SLAIN2: variants seen among roughly 807,000 people sequenced by gnomAD.
SLAIN2 encodes the protein SLAIN motif-containing protein 2.
Under a neutral mutation model 56.6 loss-of-function variants are expected in SLAIN2, and 31 were observed. The observed-to-expected ratio is 0.55, with a 90% CI of 0.41 to 0.74. SLAIN2 has a LOEUF of 0.74. Among genes scored for constraint, SLAIN2 ranks in the 30% least tolerant of loss-of-function variants. The pLI, the probability that SLAIN2 is intolerant of heterozygous loss-of-function variation, is 0.00. For missense variants in SLAIN2, 777 were observed against 754.2 expected, an observed-to-expected ratio of 1.03 and a Z score of -0.35; for synonymous variants, 317 against 284.9, an observed-to-expected ratio of 1.11 and a Z score of -1.13.
At chr4:48,401,078 A>G (rs1396791655) in intron 6 of SLAIN2, among the ~76,000 whole-genome samples, 2 of 152,204 alleles carry the variant, frequency 1.3e-5, no homozygotes, top group African/African-American at 2.4e-5. Flanking sequence ...CAGGTTGTTC[A>G]CTTTCCATGT....
intron 6 of SLAIN2, 50 bp from the exon 7 acceptor site, chr4:48,420,075 A>G (rs765382527): frequency 6.4e-6 from 10 of 1,569,814 alleles, no homozygotes; most frequent in East Asian, 2.2e-5. Flanking sequence ...CAATGGTTTC[A>G]TATATACAGA....
At chr4:48,382,516 T>G in intron 4 of SLAIN2, 52 bp from the exon 5 acceptor site, 1 of 1,389,688 alleles carries the variant, frequency 7.2e-7, no homozygotes, top group South Asian at 1.9e-5. Context: ...ATTTTAAAAT[T>G]ATTTAAATGT....
At chr4:48,366,890 T>TG (rs1175429543) in intron 1 of SLAIN2, among the ~76,000 whole-genome samples, 1 of 152,218 alleles carries the variant, frequency 6.6e-6, no homozygotes, top group African/African-American at 2.4e-5. Context: ...TAAATAAACT[T>TG]GCTGTGTTCA....
chr4:48,378,905 G>A (rs1433921665), intron 3 of SLAIN2, among the ~76,000 whole-genome samples: 2 of 152,136 alleles, frequency 1.3e-5, no homozygotes, highest in South Asian at 2.1e-4. Flanking sequence ...TAATTATTTT[G>A]TACTCTTCTT....
At chr4:48,358,576 A>C (rs1715227409) in intron 1 of SLAIN2, among the ~76,000 whole-genome samples, 1 of 152,190 alleles carries the variant, frequency 6.6e-6, no homozygotes, top group Non-Finnish European at 1.5e-5. Context: ...TCAGTCTCCC[A>C]GAGTGCTGGG....
At chr4:48,376,459 A>G (rs886169862) in intron 2 of SLAIN2, among the ~76,000 whole-genome samples, 6 of 9,970 alleles carry the variant, frequency 6.0e-4, no homozygotes, top group Admixed American at 5.6e-3. Flanking sequence ...TCTCAGAGAA[A>G]AAAAAAAAAA....
chr4:48,409,491 T>C (rs1716790981), intron 6 of SLAIN2, among the ~76,000 whole-genome samples: 1 of 152,238 alleles, frequency 6.6e-6, no homozygotes. Flanking sequence ...CTTTGTTCCT[T>C]TTTATTGCCA....
At chr4:48,373,868 C>T (rs1715732675) in intron 2 of SLAIN2, among the ~76,000 whole-genome samples, 1 of 152,124 alleles carries the variant, frequency 6.6e-6, no homozygotes, top group Admixed American at 6.5e-5. Flanking sequence ...TGGAGAAACC[C>T]TGTCTCTACT....
rs749087951 is a variant in SLAIN2, at chr4:48,377,844, G to A, written c.539-52G>A. On this transcript the variant is annotated intron_variant, in intron 2 of 7. Coordinates refer to ENST00000264313, the MANE Select transcript of SLAIN2 (RefSeq NM_020846.2). The stretch of plus-strand genomic sequence containing the variant: ...AATAGGAAAACTTCAGAAATGAAAC[G>A]TTAACTTTTTCTCAGTTGTTAAATT... 7 of 1,531,480 alleles carry A rather than the reference G, an allele frequency of 4.6e-6. No homozygotes were observed. In the South Asian group the frequency reaches 6.0e-5, roughly 13 times the overall value. The allele number at this position is 1,531,480 out of a possible 1,614,324, so 94.9% of individuals were successfully genotyped here. A position where few individuals can be genotyped will look rare whatever the true frequency, so the allele number is the denominator to read the frequency against.
chr4:48,403,214 A>G (rs562091437), intron 6 of SLAIN2, among the ~76,000 whole-genome samples: 92 of 152,332 alleles, frequency 6.0e-4, no homozygotes, highest in South Asian at 2.1e-3. Flanking sequence ...TCCCACTTAC[A>G]GAAGATGTCT....
intron 2 of SLAIN2, among the ~76,000 whole-genome samples, chr4:48,371,109 GT>G (rs71660447): frequency 0.05 from 6,975 of 140,328 alleles, 197 homozygotes; most frequent in African/African-American, 0.094. Flanking sequence ...TTTTTGTTTT[GT>G]TTTTTTTTTT....
chr4:48,341,946 G>A lies in SLAIN2; in HGVS notation c.207G>A (p.Leu69=). ...CGGCGTCTCCTCGGGGCTTCCCCTT[G>A]GGCCTCAGCGCCAAGTCGGGCGGCG... is the stretch of plus-strand genomic sequence containing the variant. ...SGAASPRGFP[L]GLSAKSGGGP... The change falls in exon 1 of 8, where the codon TTG becomes TTA. Residue 69 remains leucine, a synonymous_variant. Transcript: ENST00000264313. The A allele has an allele frequency of 6.8e-7, 1 of 1,474,372 alleles. No individual in the cohort carries two copies. The highest frequency in any genetic ancestry group is 9.0e-7 in the Non-Finnish European group (1 of 1,116,758). The allele number at this position is 1,474,372 out of a possible 1,614,324, so 91.3% of individuals were successfully genotyped here. A position where few individuals can be genotyped will look rare whatever the true frequency, so the allele number is the denominator to read the frequency against.
Position 48,382,420 on chromosome 4 carries a change from C to G in SLAIN2, c.863-148C>G, listed in dbSNP as rs1715991697. The G allele has an allele frequency of 7.5e-6, 5 of 669,660 alleles. No individual in the cohort carries two copies. In the East Asian group the frequency reaches 1.5e-4, roughly 20 times the overall value. 41.5% of individuals were successfully genotyped at this position (669,660 alleles called of 1,614,324 possible). ...ATGCCTCCTTATATGGACATATAAG[C>G]CTATATAAGTCTAAAAGCAGAAAGG... is the stretch of plus-strand genomic sequence containing the variant. On this transcript the variant is annotated intron_variant, in intron 4 of 7. Coordinates refer to ENST00000264313, the MANE Select transcript of SLAIN2 (RefSeq NM_020846.2).
intron 1 of SLAIN2, among the ~76,000 whole-genome samples, chr4:48,357,340 G>C (rs1715186730): frequency 6.6e-6 from 1 of 151,888 alleles, no homozygotes; most frequent in Non-Finnish European, 1.5e-5. Flanking sequence ...AGAGAGCAGG[G>C]AACATTGTGG....
intron 2 of SLAIN2, 133 bp downstream of exon 2, chr4:48,370,130 A>G (rs1715625597): frequency 1.1e-6 from 1 of 876,374 alleles, no homozygotes; most frequent in Admixed American, 3.0e-5. Flanking sequence ...TATCATCATG[A>G]GAGTTTTTCC....
At chr4:48,373,869 T>C (rs1347833676) in intron 2 of SLAIN2, among the ~76,000 whole-genome samples, 1 of 152,072 alleles carries the variant, frequency 6.6e-6, no homozygotes, top group Non-Finnish European at 1.5e-5. Flanking sequence ...GGAGAAACCC[T>C]GTCTCTACTA....
At chr4:48,376,592 T>C (rs1443308127) in intron 2 of SLAIN2, among the ~76,000 whole-genome samples, 2 of 151,794 alleles carry the variant, frequency 1.3e-5, no homozygotes, top group African/African-American at 4.8e-5. Flanking sequence ...TTTTTTTTTC[T>C]TTTTTTGACA....
chr4:48,343,647 A>T (rs1714785776), intron 1 of SLAIN2, among the ~76,000 whole-genome samples: 1 of 152,182 alleles, frequency 6.6e-6, no homozygotes, highest in African/African-American at 2.4e-5. Flanking sequence ...TTTGAGGAGG[A>T]GGTGGCTTGG....
chr4:48,373,004 C>G (rs1715710554), intron 2 of SLAIN2, among the ~76,000 whole-genome samples: 1 of 152,124 alleles, frequency 6.6e-6, no homozygotes, highest in South Asian at 2.1e-4. Context: ...CGCACTATCA[C>G]TCGTTCCTAA....
Sources: gnomAD v4.1 joint callset for allele counts (sites outside exome capture counted in the v4.1 genomes callset) on GRCh38, gnomAD v4.1.1 for gene constraint, MANE v1.5 for transcripts, NCBI Gene and HGNC (gene_info 2026-07-23, HGNC 2026-07-21) for gene names.